The following MARCHF1 variants were observed in gnomAD, a reference collection of about 807,000 sequenced individuals.
MARCHF1 encodes E3 ubiquitin-protein ligase MARCHF1.
Under a neutral mutation model 54.2 loss-of-function variants are expected in MARCHF1, and 40 were observed. The observed-to-expected ratio is 0.74, with a 90% CI of 0.57 to 0.96. The LOEUF (loss-of-function observed/expected upper bound fraction) is 0.96, where lower values mean the gene tolerates loss of function less well. Ranked by LOEUF, MARCHF1 falls within the 40% of genes least tolerant of loss-of-function variation. The pLI is 0.00. For missense variants in MARCHF1, 586 were observed against 656.5 expected (o/e 0.89, Z 1.17); for synonymous variants, 236 against 236.3 (o/e 1.00, Z 0.01).
intron 4 of MARCHF1, among the ~76,000 whole-genome samples, chr4:163,742,379 G>T (rs1038703841): frequency 5.3e-5 from 4 of 74,968 alleles, no homozygotes; most frequent in Non-Finnish European, 9.8e-5. Context: ...TCCCTCCCTC[G>T]CTACCTCCTT....
At chr4:163,868,610 T>A (rs1240505901) in intron 3 of MARCHF1, among the ~76,000 whole-genome samples, 1 of 152,014 alleles carries the variant, frequency 6.6e-6, no homozygotes, top group Non-Finnish European at 1.5e-5. Context: ...TACCCATACA[T>A]ACAAATGTGT....
At chr4:164,082,961 C>T (rs767202811) in intron 2 of MARCHF1, among the ~76,000 whole-genome samples, 3 of 152,194 alleles carry the variant, frequency 2.0e-5, no homozygotes, top group Non-Finnish European at 2.9e-5. Context: ...CAAACCCCTT[C>T]TCACATGTTG....
intron 5 of MARCHF1, among the ~76,000 whole-genome samples, chr4:163,617,498 G>A (rs1468705695): frequency 6.6e-6 from 1 of 152,004 alleles, no homozygotes; most frequent in Non-Finnish European, 1.5e-5. Flanking sequence ...CCCTAATAAT[G>A]TAAATTATTA....
intron 1 of MARCHF1, among the ~76,000 whole-genome samples, chr4:164,174,952 A>G (rs1156860419): frequency 6.6e-6 from 1 of 152,148 alleles, no homozygotes; most frequent in Non-Finnish European, 1.5e-5. Context: ...TCTTGGGTTC[A>G]TCCAGATGGT....
intron 5 of MARCHF1, among the ~76,000 whole-genome samples, chr4:163,684,628 A>C (rs377350449): frequency 6.6e-6 from 1 of 152,230 alleles, no homozygotes; most frequent in Non-Finnish European, 1.5e-5. Flanking sequence ...ATCATGATCA[A>C]TATTTACTTC....
At chr4:163,718,268 A>G (rs1424715763) in intron 4 of MARCHF1, among the ~76,000 whole-genome samples, 1 of 152,216 alleles carries the variant, frequency 6.6e-6, no homozygotes, top group African/African-American at 2.4e-5. Context: ...CTAAAACACC[A>G]AAAGCAATGG....
intron 8 of MARCHF1, among the ~76,000 whole-genome samples, chr4:163,567,346 C>T (rs764718847): frequency 2.1e-4 from 32 of 152,120 alleles, no homozygotes; most frequent in Non-Finnish European, 3.5e-4. Flanking sequence ...CATTCTCTCC[C>T]TGAGTCAATG....
chr4:164,148,172 C>A (rs1729819636), intron 1 of MARCHF1, among the ~76,000 whole-genome samples: 1 of 151,650 alleles, frequency 6.6e-6, no homozygotes, highest in Non-Finnish European at 1.5e-5. Context: ...CACACACACT[C>A]ACGAATTCAA....
At chr4:163,686,569 CA>C (rs1744275990) in intron 5 of MARCHF1, among the ~76,000 whole-genome samples, 1 of 151,216 alleles carries the variant, frequency 6.6e-6, no homozygotes, top group Non-Finnish European at 1.5e-5. Flanking sequence ...ATATACTTAT[CA>C]AACTATATAA....
intron 5 of MARCHF1, among the ~76,000 whole-genome samples, chr4:163,634,335 C>G (rs1045021463): frequency 1.3e-5 from 2 of 150,406 alleles, no homozygotes; most frequent in Non-Finnish European, 2.9e-5. Context: ...CATCAGTGTG[C>G]TGTATTCAGG....
At chr4:163,582,004 G>T (rs904700988) in intron 8 of MARCHF1, among the ~76,000 whole-genome samples, 1 of 152,154 alleles carries the variant, frequency 6.6e-6, no homozygotes, top group Non-Finnish European at 1.5e-5. Context: ...TATATTAGGG[G>T]AGATAGATAG....
At chr4:164,148,644 G>C (rs1324390211) in intron 1 of MARCHF1, among the ~76,000 whole-genome samples, 2 of 152,038 alleles carry the variant, frequency 1.3e-5, no homozygotes, top group African/African-American at 2.4e-5. Flanking sequence ...AAAATTTATT[G>C]TTATAAGAAA....
rs1244627654 is a variant in MARCHF1 at position 164,181,517 on chromosome 4, A to C, written c.-322-69855T>G. On this transcript the variant is annotated intron_variant, in intron 1 of 9. Transcript: ENST00000514618. Reference sequence around the variant, plus strand: ...AAAGACTTCAATTTGAAGACACAAAAGTGGCATTCTAATAAAATTCTAAAA... The same window carrying C: ...AAAGACTTCAATTTGAAGACACAAACGTGGCATTCTAATAAAATTCTAAAA... Among the ~76,000 whole-genome samples, 5 of 152,322 alleles carry C rather than the reference A, an allele frequency of 3.3e-5. No individual in the cohort carries two copies. In the East Asian group the frequency reaches 9.6e-4, roughly 29 times the overall value.
chr4:164,275,715 G>A (rs575541591), intron 1 of MARCHF1, among the ~76,000 whole-genome samples: 52 of 152,324 alleles, frequency 3.4e-4, no homozygotes, highest in Middle Eastern at 6.8e-3. Flanking sequence ...GGAGCGAGAT[G>A]AAGCAGTGAA....
At chr4:163,723,261 T>C (rs1338676341) in intron 4 of MARCHF1, among the ~76,000 whole-genome samples, 1 of 152,142 alleles carries the variant, frequency 6.6e-6, no homozygotes, top group Non-Finnish European at 1.5e-5. Context: ...TGTAAAGGAT[T>C]TTATTTCTCC....
intron 4 of MARCHF1, among the ~76,000 whole-genome samples, chr4:163,709,220 G>C (rs1745035699): frequency 6.6e-6 from 1 of 152,096 alleles, no homozygotes; most frequent in Non-Finnish European, 1.5e-5. Flanking sequence ...GGGATTGAGG[G>C]AAGCAGGCAG....
intron 5 of MARCHF1, among the ~76,000 whole-genome samples, chr4:163,657,395 C>T (rs1484257770): frequency 6.6e-6 from 1 of 151,892 alleles, no homozygotes; most frequent in Non-Finnish European, 1.5e-5. Flanking sequence ...AACCACTGCT[C>T]AAGGAAATAA....
intron 8 of MARCHF1, among the ~76,000 whole-genome samples, chr4:163,550,440 T>C (rs1047907329): frequency 4.0e-5 from 6 of 151,820 alleles, no homozygotes; most frequent in Non-Finnish European, 5.9e-5. Context: ...TTTCAATCTA[T>C]AGAATGATAG....
At position 163,612,131 on chromosome 4, in the gene MARCHF1, T is replaced by G. The variant is rs1184281358; in HGVS notation, c.1010+140A>C. On this transcript the variant is annotated intron_variant, in intron 7 of 9. Coordinates refer to ENST00000514618, the MANE Select transcript of MARCHF1 (RefSeq NM_001394959.1). ...TGCATTATTCTTTTCATACCCACCT[T>G]TTCTCCTTTTATATCCAATCAGAAA... 8.0e-6 allele frequency: 6 copies of G among 750,038 alleles called. No homozygotes were observed. The East Asian group carries it at 1.8e-4, about 22-fold the overall frequency. The allele number at this position is 750,038 out of a possible 1,614,324, so 46.5% of individuals were successfully genotyped here. A position where few individuals can be genotyped will look rare whatever the true frequency, so the allele number is the denominator to read the frequency against.
Sources: allele counts gnomAD v4.1 joint callset (sites outside exome capture counted in the v4.1 genomes callset), GRCh38; gene constraint gnomAD v4.1.1; transcripts MANE v1.5; gene names NCBI Gene and HGNC (gene_info 2026-07-23, HGNC 2026-07-21).